Variants in RNF216 observed in about 807,000 individuals in gnomAD.
RNF216 encodes the protein E3 ubiquitin-protein ligase RNF216.
RNF216 carries 72 observed loss-of-function variants against 110.8 expected under a neutral mutation model. That is an observed-to-expected ratio of 0.65 (90% CI 0.54 to 0.79). RNF216 has a LOEUF of 0.79. Ranked by LOEUF, RNF216 falls within the 30% of genes least tolerant of loss-of-function variation. RNF216 has a pLI of 0.00. For synonymous variants in RNF216, 495 were observed against 407.5 expected (o/e 1.21, Z -2.59); for missense variants, 1,342 against 1,141.2 (o/e 1.18, Z -2.54).
At chr7:5,761,835 G>A (rs1291885028) in intron 1 of RNF216, among the ~76,000 whole-genome samples, 1 of 151,274 alleles carries the variant, frequency 6.6e-6, no homozygotes, top group Non-Finnish European at 1.5e-5. Context: ...TGGCAAAAAA[G>A]GCAAGTATGT....
At chr7:5,662,258 G>T (rs564246329) in intron 13 of RNF216, among the ~76,000 whole-genome samples, 1 of 152,222 alleles carries the variant, frequency 6.6e-6, no homozygotes, top group South Asian at 2.1e-4. Flanking sequence ...CTGGACACGT[G>T]TGAGGAAGTA....
intron 2 of RNF216, among the ~76,000 whole-genome samples, chr7:5,759,114 C>T (rs1212043180): frequency 3.3e-5 from 5 of 152,114 alleles, no homozygotes; most frequent in African/African-American, 1.2e-4. Context: ...GTGTGTGGCA[C>T]CTCTTCCCCA....
chr7:5,744,991 A>AG (rs1193276463), intron 3 of RNF216, among the ~76,000 whole-genome samples: 1 of 152,104 alleles, frequency 6.6e-6, no homozygotes, highest in East Asian at 1.9e-4. Flanking sequence ...AAAAAAAAAA[A>AG]GAAAACTTCT....
intron 1 of RNF216, among the ~76,000 whole-genome samples, chr7:5,780,970 C>A (rs1266974105): frequency 6.6e-6 from 1 of 152,222 alleles, no homozygotes; most frequent in African/African-American, 2.4e-5. Flanking sequence ...AGCGCCCGGA[C>A]ACCCGAGCCG....
chr7:5,639,072 T>C (rs1208910424), intron 15 of RNF216, among the ~76,000 whole-genome samples: 3 of 152,346 alleles, frequency 2.0e-5, no homozygotes, highest in East Asian at 1.9e-4. Context: ...GGCTACTTCT[T>C]CCCGTCTCAC....
At chr7:5,745,888 T>C (rs1332105722) in intron 3 of RNF216, among the ~76,000 whole-genome samples, 1 of 69,674 alleles carries the variant, frequency 1.4e-5, no homozygotes, top group Non-Finnish European at 2.8e-5. Flanking sequence ...AGATTGAGAC[T>C]GTCTTAAAAA....
chr7:5,677,985 G>C (rs1790413243), intron 13 of RNF216, among the ~76,000 whole-genome samples: 1 of 151,950 alleles, frequency 6.6e-6, no homozygotes, highest in Admixed American at 6.6e-5. Context: ...ATCTTTCCAG[G>C]GGGTAACCAG....
At chr7:5,625,134 A>T (rs1786628506) in intron 15 of RNF216, among the ~76,000 whole-genome samples, 2 of 152,344 alleles carry the variant, frequency 1.3e-5, no homozygotes, top group South Asian at 4.1e-4. Context: ...GCTGAGGCTC[A>T]CAAGCAGCAG....
chr7:5,641,264 A>G lies in RNF216; in HGVS notation c.2272T>C (p.Tyr758His), dbSNP rs753662477. The G allele has an allele frequency of 3.7e-6, 6 of 1,614,082 alleles. No individual in the cohort carries two copies. The highest frequency in any genetic ancestry group is 1.1e-5 in the South Asian group (1 of 91,078). ...CCATTAATAGAAACTCGACAGAGGT[A>G]GCACATCTGGGCACCACAGCGGCAA... is the stretch of plus-strand genomic sequence containing the variant. The part of the protein sequence containing the change: ...MSCRCGAQMC[Y>H]LCRVSINGYD... Residue 758 changes from tyrosine (Y) to histidine (H), a missense_variant, in exon 15 of 17, where the codon TAC (tyrosine) becomes CAC (histidine). Coordinates refer to ENST00000389902, the MANE Select transcript of RNF216 (RefSeq NM_207111.4).
intron 14 of RNF216, among the ~76,000 whole-genome samples, chr7:5,646,473 A>G (rs1788055045): frequency 1.3e-5 from 2 of 152,006 alleles, no homozygotes; most frequent in African/African-American, 4.8e-5. Context: ...GCGGGCAGAT[A>G]ATGAGGTCCG....
intron 8 of RNF216, 84 bp downstream of exon 8, chr7:5,725,240 G>A: frequency 1.2e-6 from 1 of 816,844 alleles, no homozygotes. Context: ...GCAGACACCT[G>A]TAGCACGGCT....
chr7:5,715,247 C>G, intron 10 of RNF216, 57 bp from the exon 11 acceptor site: 1 of 1,557,510 alleles, frequency 6.4e-7, no homozygotes, highest in Non-Finnish European at 8.7e-7. Flanking sequence ...GAGGGGGAGC[C>G]TTGTCTCCCA....
In RNF216 at chr7:5,741,229, A is replaced by G. The variant is rs536715821; in HGVS notation, c.788T>C (p.Leu263Ser). Residue 263 changes from leucine to serine, a missense_variant, in exon 4 of 17, where the codon TTG (leucine) becomes TCG (serine). By Grantham distance (145) the Leu-to-Ser change is moderately radical. Transcript: ENST00000389902. Reference protein sequence around the residue: ...ERQPEAELGRLLFQHEFPGPA... With the variant: ...ERQPEAELGRSLFQHEFPGPA... Reference sequence around the variant, plus strand: ...CCCTGGGAATTCATGCTGAAACAACAAGCGGCCCAGTTCTGCTTCAGGCTG... The same window carrying G: ...CCCTGGGAATTCATGCTGAAACAACGAGCGGCCCAGTTCTGCTTCAGGCTG... 1 of 1,614,136 alleles carries G rather than the reference A, an allele frequency of 6.2e-7. No homozygotes were observed. The highest frequency in any genetic ancestry group is 8.5e-7 in the Non-Finnish European group (1 of 1,180,014).
intron 14 of RNF216, among the ~76,000 whole-genome samples, chr7:5,648,597 G>A (rs533221899): frequency 4.1e-4 from 62 of 151,716 alleles, no homozygotes; most frequent in Admixed American, 3.9e-3. Flanking sequence ...GCATGGTGGC[G>A]GGCACTCATA....
Position 5,679,454 on chromosome 7 carries a change from C to T in RNF216, c.2062-26944G>A, listed in dbSNP as rs76912071. Among the ~76,000 whole-genome samples, 454 of 152,340 alleles carry T rather than the reference C, an allele frequency of 3.0e-3. 1 individual carries two copies. The highest frequency in any genetic ancestry group is 0.01 in the African/African-American group (429 of 41,578). ...GCTGAGCGCACTGGTGCACACACAC[C>T]GTAACAAGTGTAACGAGGCTGTTGG... On this transcript the variant is annotated intron_variant, in intron 13 of 16. Transcript: ENST00000389902.
At chr7:5,682,685 C>T (rs1790737747) in intron 13 of RNF216, among the ~76,000 whole-genome samples, 1 of 152,062 alleles carries the variant, frequency 6.6e-6, no homozygotes. Context: ...GGGATATCGG[C>T]GTGAGCCTCT....
intron 5 of RNF216, among the ~76,000 whole-genome samples, chr7:5,738,369 G>A (rs1228827022): frequency 1.3e-5 from 2 of 152,014 alleles, no homozygotes; most frequent in African/African-American, 4.8e-5. Flanking sequence ...AGAATTAAAG[G>A]TGTGAACCAT....
At chr7:5,628,936 C>T (rs768249100) in intron 15 of RNF216, among the ~76,000 whole-genome samples, 14 of 152,256 alleles carry the variant, frequency 9.2e-5, no homozygotes, top group African/African-American at 3.1e-4. Context: ...TTGGCTCATG[C>T]CTGTAATCCC....
chr7:5,767,075 T>C (rs1413472953), intron 1 of RNF216: 1 of 152,236 alleles, frequency 6.6e-6, no homozygotes, highest in African/African-American at 2.4e-5. Flanking sequence ...TTAACCTTAT[T>C]TTACAGAGAC....
Sources: allele counts gnomAD v4.1 joint callset (sites outside exome capture counted in the v4.1 genomes callset), GRCh38; gene constraint gnomAD v4.1.1; transcripts MANE v1.5; gene names NCBI Gene and HGNC (gene_info 2026-07-23, HGNC 2026-07-21).